The following NFX1 variants were observed in gnomAD, a reference collection of about 807,000 sequenced individuals.
NFX1 encodes the protein transcriptional repressor NF-X1.
Under a neutral mutation model 137.2 loss-of-function variants are expected in NFX1, and 69 were observed. The ratio of observed to expected loss-of-function variants is 0.50; its 90% confidence interval spans 0.41 to 0.61. The LOEUF is 0.61. Ranked by LOEUF, NFX1 falls within the 20% of genes least tolerant of loss-of-function variation. The probability of loss-of-function intolerance (pLI) is 0.00; values close to 1 mark genes in which losing one functional copy is unlikely to be tolerated. For missense variants in NFX1, 1,167 were observed against 1,391.0 expected (o/e 0.84, Z 2.56); for synonymous variants, 495 against 474.1 (o/e 1.04, Z -0.57).
intron 7 of NFX1, 138 bp downstream of exon 7, chr9:33,313,931 T>A (rs2118338740): frequency 3.8e-6 from 3 of 782,298 alleles, no homozygotes; most frequent in Middle Eastern, 7.8e-4. Flanking sequence ...GATACGATGC[T>A]TAGACGGTTT....
intron 10 of NFX1, among the ~76,000 whole-genome samples, chr9:33,331,006 A>C (rs1256100414): frequency 6.6e-6 from 1 of 152,140 alleles, no homozygotes; most frequent in Non-Finnish European, 1.5e-5. Context: ...CTCTACTAAA[A>C]ATACAAAAAA....
intron 10 of NFX1, among the ~76,000 whole-genome samples, chr9:33,330,660 C>A (rs571774177): frequency 3.2e-4 from 48 of 152,298 alleles, no homozygotes; most frequent in African/African-American, 1.0e-3. Context: ...CAGTTTTCTT[C>A]ATTCTCCCAC....
intron 16 of NFX1, chr9:33,352,325 G>T: frequency 2.1e-6 from 1 of 474,496 alleles, no homozygotes; most frequent in Non-Finnish European, 4.1e-6. Context: ...GAGTTGGCTT[G>T]GAGTTGGCTA....
At chr9:33,294,055 G>GTT (rs1197387523) in intron 1 of NFX1, among the ~76,000 whole-genome samples, 2 of 152,176 alleles carry the variant, frequency 1.3e-5, no homozygotes, top group Non-Finnish European at 2.9e-5. Flanking sequence ...CTACTTTACT[G>GTT]TTTTGAAAGA....
intron 1 of NFX1, among the ~76,000 whole-genome samples, chr9:33,293,803 C>G (rs1435033099): frequency 6.6e-6 from 1 of 152,054 alleles, no homozygotes; most frequent in East Asian, 1.9e-4. Context: ...TATGGAAAAC[C>G]CAAAATATAT....
At chr9:33,339,200 A>G (rs565111570) in intron 12 of NFX1, among the ~76,000 whole-genome samples, 1 of 152,148 alleles carries the variant, frequency 6.6e-6, no homozygotes, top group Non-Finnish European at 1.5e-5. Context: ...TCACACTGTC[A>G]GTAAAGACAT....
intron 11 of NFX1, among the ~76,000 whole-genome samples, chr9:33,334,945 G>C (rs1822943588): frequency 6.6e-6 from 1 of 152,158 alleles, no homozygotes; most frequent in Non-Finnish European, 1.5e-5. Context: ...ACGTACCTAT[G>C]ACCTGTCATC....
In NFX1 at chr9:33,365,884, A is replaced by G. The variant is rs528739542; in HGVS notation, c.3040-745A>G. 3 of 152,360 alleles carry G rather than the reference A, an allele frequency of 2.0e-5. No individual in the cohort carries two copies. In the East Asian group the frequency reaches 5.8e-4, roughly 29 times the overall value. 9.4% of individuals were successfully genotyped at this position (152,360 alleles called of 1,614,324 possible). On this transcript the variant is annotated intron_variant, in intron 21 of 23. Transcript: ENST00000379540. ...GCAGTGGGATAGACTCCTTCAGAAG[A>G]GGGAGACCCCTGTCCTGGAGGCGGC... is the stretch of plus-strand genomic sequence containing the variant.
intron 14 of NFX1, among the ~76,000 whole-genome samples, chr9:33,345,050 T>C (rs918544844): frequency 9.9e-5 from 15 of 151,626 alleles, no homozygotes; most frequent in African/African-American, 3.6e-4. Flanking sequence ...TAATCTCAGC[T>C]ACTCAGGAGG....
At chr9:33,364,204 G>A in intron 20 of NFX1, 96 bp downstream of exon 20, 1 of 725,024 alleles carries the variant, frequency 1.4e-6, no homozygotes, top group Non-Finnish European at 2.2e-6. Flanking sequence ...CTGTGATTAA[G>A]CCAGTTCAAG....
intron 8 of NFX1, 21 bp from the exon 9 acceptor site, chr9:33,318,889 A>G (rs1822276704): frequency 1.9e-6 from 3 of 1,614,116 alleles, no homozygotes; most frequent in Middle Eastern, 1.6e-4. Flanking sequence ...ACAATTATGT[A>G]ATAGTGTGTT....
chr9:33,363,713 C>A (rs561463711), intron 19 of NFX1, among the ~76,000 whole-genome samples: 1 of 152,104 alleles, frequency 6.6e-6, no homozygotes, highest in Non-Finnish European at 1.5e-5. Flanking sequence ...AGAAAGTCAT[C>A]CCCCATTGAC....
chr9:33,298,857 A>C (rs1476085099), intron 2 of NFX1, among the ~76,000 whole-genome samples: 1 of 152,196 alleles, frequency 6.6e-6, no homozygotes, highest in Non-Finnish European at 1.5e-5. Context: ...TTAGGAGGCT[A>C]TTGCAGTTGT....
At position 33,294,859 on chromosome 9, in the gene NFX1, G is replaced by A; in HGVS notation, c.465G>A (p.Glu155=). The change falls in exon 2 of 24, where the codon GAG becomes GAA. Residue 155 remains glutamate, a synonymous_variant. Coordinates refer to ENST00000379540, the MANE Select transcript of NFX1 (RefSeq NM_002504.6). ...DLREHSPSES[E]KEVVGADPRG... ...GAGAGCATAGTCCTTCTGAGAGTGA[G>A]AAGGAAGTTGTGGGTGCAGATCCCA... The A allele has an allele frequency of 6.2e-7, 1 of 1,614,186 alleles. No homozygotes were observed. The highest frequency in any genetic ancestry group is 8.5e-7 in the Non-Finnish European group (1 of 1,180,038).
chr9:33,338,533 C>A lies in NFX1; in HGVS notation c.2059C>A (p.Arg687=), dbSNP rs763201703. Residue 687 remains arginine (R), a synonymous_variant, in exon 12 of 24, where the codon CGG becomes AGG. Transcript: ENST00000379540. ...AGATGCTACATTTATGTGTGACAAG[C>A]GGTGTAACAAGAAACGGTTGTGTGG... is the stretch of plus-strand genomic sequence containing the variant. The part of the protein sequence containing the change: ...SEDATFMCDK[R]CNKKRLCGRH... 6.2e-7 allele frequency: 1 copy of A among 1,603,634 alleles called. No individual in the cohort carries two copies. The highest frequency in any genetic ancestry group is 2.2e-5 in the East Asian group (1 of 44,816).
chr9:33,334,078 G>C (rs917000634), intron 11 of NFX1, among the ~76,000 whole-genome samples: 3 of 152,228 alleles, frequency 2.0e-5, no homozygotes, highest in African/African-American at 7.2e-5. Context: ...TCAGGAGACA[G>C]AGGTTGCAGT....
At chr9:33,356,118 T>C (rs1587874192) in intron 19 of NFX1, among the ~76,000 whole-genome samples, 1 of 152,386 alleles carries the variant, frequency 6.6e-6, no homozygotes, top group African/African-American at 2.4e-5. Flanking sequence ...TAATTCCCAT[T>C]GCTGTACATT....
At chr9:33,315,384 A>C (rs1269622169) in intron 7 of NFX1, among the ~76,000 whole-genome samples, 3 of 151,958 alleles carry the variant, frequency 2.0e-5, no homozygotes, top group African/African-American at 7.3e-5. Flanking sequence ...TCATGATACA[A>C]CTCTAATCGT....
chr9:33,344,796 G>A (rs1009444888), intron 14 of NFX1, among the ~76,000 whole-genome samples: 1 of 151,512 alleles, frequency 6.6e-6, no homozygotes, highest in Non-Finnish European at 1.5e-5. Flanking sequence ...AACCCGGGAG[G>A]CAGAGGTTGC....
Sources: allele counts gnomAD v4.1 joint callset (sites outside exome capture counted in the v4.1 genomes callset), GRCh38; gene constraint gnomAD v4.1.1; transcripts MANE v1.5; gene names NCBI Gene and HGNC (gene_info 2026-07-23, HGNC 2026-07-21).